Variants in TBC1D12 observed in about 807,000 individuals in gnomAD.
The protein encoded by TBC1D12 is TBC1 domain family, member 12.
A neutral mutation model predicts 86.7 loss-of-function variants in TBC1D12; 56 were observed. The observed-to-expected ratio is 0.65, with a 90% CI of 0.52 to 0.81. The LOEUF (loss-of-function observed/expected upper bound fraction) is 0.81, where lower values mean the gene tolerates loss of function less well. TBC1D12 is among the 30% of genes least tolerant of loss of function. TBC1D12 has a pLI of 0.00. For synonymous variants in TBC1D12, 421 were observed against 411.7 expected, an observed-to-expected ratio of 1.02 and a Z score of -0.27; for missense variants, 1,023 against 1,038.8, an observed-to-expected ratio of 0.98 and a Z score of 0.21.
At chr10:94,433,682 T>A (rs939704826) in intron 1 of TBC1D12, among the ~76,000 whole-genome samples, 1 of 152,220 alleles carries the variant, frequency 6.6e-6, no homozygotes, top group Non-Finnish European at 1.5e-5. Context: ...ATTACTTTCC[T>A]TTGGTATAAC....
At chr10:94,497,223 GTTTCT>G in intron 5 of TBC1D12, 51 bp downstream of exon 5, 2 of 1,021,498 alleles carry the variant, frequency 2.0e-6, no homozygotes, top group Non-Finnish European at 2.8e-6. Context: ...AAGATCTCAT[GTTTCT>G]TTTTTTTTTT....
chr10:94,416,704 G>C (rs985329652), intron 1 of TBC1D12, among the ~76,000 whole-genome samples: 4 of 152,094 alleles, frequency 2.6e-5, no homozygotes, highest in African/African-American at 9.7e-5. Context: ...CCTGATAAGT[G>C]TTATAAAAGA....
chr10:94,492,985 C>A (rs955588994), intron 3 of TBC1D12, among the ~76,000 whole-genome samples: 2 of 152,118 alleles, frequency 1.3e-5, no homozygotes, highest in African/African-American at 4.8e-5. Context: ...GGACTGGGCT[C>A]AGTGGCTCAC....
chr10:94,431,410 TAAAAA>T (rs766071204), intron 1 of TBC1D12, among the ~76,000 whole-genome samples: 5 of 114,402 alleles, frequency 4.4e-5, no homozygotes, highest in African/African-American at 1.5e-4. Flanking sequence ...GCAAGACTCT[TAAAAA>T]AAAAAAAAAA....
chr10:94,522,352 A>C lies in TBC1D12; in HGVS notation c.1899A>C (p.Lys633Asn). ...GATTTTTTAATCTTTAGATGTTGAA[A>C]TATTTTGCAACATTTGAAGTATTCT... is the stretch of plus-strand genomic sequence containing the variant. ...FFRVDHSMMLKYFATFEVFFE... is the reference protein window; with the variant it reads ...FFRVDHSMMLNYFATFEVFFE... The change falls in exon 11 of 13, where the codon AAA becomes AAC. Residue 633 changes from lysine to asparagine, a missense_variant. Physicochemically the swap from Lys to Asn is moderately conservative, Grantham distance 94 (BLOSUM62 0). Coordinates refer to ENST00000225235, the MANE Select transcript of TBC1D12 (RefSeq NM_015188.2). 1 of 1,401,306 alleles carries C rather than the reference A, an allele frequency of 7.1e-7. No homozygotes were observed. Among genetic ancestry groups the C allele is most frequent in the Non-Finnish European group, 9.7e-7 (1 of 1,029,382 alleles). The allele number at this position is 1,401,306 out of a possible 1,614,324, so 86.8% of individuals were successfully genotyped here.
chr10:94,514,868 A>G (rs140101170), intron 9 of TBC1D12, among the ~76,000 whole-genome samples: 283 of 150,606 alleles, frequency 1.9e-3, no homozygotes, highest in South Asian at 4.8e-3. Context: ...TAGCTGTACT[A>G]ATTTACATTC....
intron 2 of TBC1D12, among the ~76,000 whole-genome samples, chr10:94,457,842 T>C (rs936162847): frequency 6.6e-6 from 1 of 152,152 alleles, no homozygotes; most frequent in African/African-American, 2.4e-5. Context: ...TTGCAGTATG[T>C]ATTTATAGCT....
At chr10:94,526,233 C>A (rs1842286194) in intron 11 of TBC1D12, among the ~76,000 whole-genome samples, 1 of 151,934 alleles carries the variant, frequency 6.6e-6, no homozygotes, top group Admixed American at 6.6e-5. Context: ...GAGTTTGAGA[C>A]CAGCCTAGGC....
chr10:94,514,874 C>T (rs1002749868), intron 9 of TBC1D12, among the ~76,000 whole-genome samples: 1 of 150,086 alleles, frequency 6.7e-6, no homozygotes, highest in African/African-American at 2.4e-5. Flanking sequence ...TACTAATTTA[C>T]ATTCCTATAA....
intron 1 of TBC1D12, among the ~76,000 whole-genome samples, chr10:94,424,200 A>G (rs1053119469): frequency 6.6e-6 from 1 of 152,216 alleles, no homozygotes; most frequent in Non-Finnish European, 1.5e-5. Context: ...ATACCAAAGG[A>G]CAACTGTATA....
chr10:94,404,648 CAAA>C (rs11365857), intron 1 of TBC1D12, among the ~76,000 whole-genome samples: 6 of 125,746 alleles, frequency 4.8e-5, no homozygotes, highest in Non-Finnish European at 3.4e-5. Flanking sequence ...CTCCGTCTTT[CAAA>C]AAAAAAAAAA....
intron 2 of TBC1D12, among the ~76,000 whole-genome samples, chr10:94,453,582 C>T (rs1189350092): frequency 1.3e-5 from 2 of 152,192 alleles, no homozygotes; most frequent in Middle Eastern, 3.4e-3. Context: ...ATCAGGCATC[C>T]ACTGGGGATC....
chr10:94,454,747 T>G lies in TBC1D12; in HGVS notation c.1095+12728T>G, dbSNP rs187081931. ...TACATTAGCCTTCTGTCTTGTAAAC[T>G]TGCTGTTATTGCTTATTAGTTCCAG... is the stretch of plus-strand genomic sequence containing the variant. On this transcript the variant is annotated intron_variant, in intron 2 of 12. Transcript: ENST00000225235. Among the ~76,000 whole-genome samples, 285 of 152,380 alleles carry G rather than the reference T, an allele frequency of 1.9e-3. 2 individuals carry two copies. The highest frequency in any genetic ancestry group is 2.8e-3 in the Non-Finnish European group (193 of 68,030).
Position 94,533,738 on chromosome 10 carries a change from C to T in TBC1D12, c.*642C>T, listed in dbSNP as rs954890926. 6.6e-6 allele frequency: 1 copy of T among 152,074 alleles called. No homozygotes were observed. Among genetic ancestry groups the T allele is most frequent in the African/African-American group, 2.4e-5 (1 of 41,420 alleles). 9.4% of individuals were successfully genotyped at this position (152,074 alleles called of 1,614,324 possible). A position where few individuals can be genotyped will look rare whatever the true frequency, so the allele number is the denominator to read the frequency against. ...TTTTTTAAGGGAAATTTTTTGTCTTCCTTAAGGAATTCCTATCACTCAGAG... is the reference window on the plus strand; with the variant it reads ...TTTTTTAAGGGAAATTTTTTGTCTTTCTTAAGGAATTCCTATCACTCAGAG... On this transcript the variant is annotated 3_prime_UTR_variant, in exon 13 of 13. Transcript: ENST00000225235.
intron 1 of TBC1D12, among the ~76,000 whole-genome samples, chr10:94,435,963 T>C (rs1051300952): frequency 1.3e-5 from 2 of 152,200 alleles, no homozygotes; most frequent in Non-Finnish European, 2.9e-5. Context: ...TGTGTTTCCA[T>C]TTATGCTTGG....
At chr10:94,518,388 AT>A (rs1842057969) in intron 9 of TBC1D12, among the ~76,000 whole-genome samples, 1 of 151,666 alleles carries the variant, frequency 6.6e-6, no homozygotes, top group Admixed American at 6.6e-5. Flanking sequence ...TAATTTTTGT[AT>A]TTTTAGTAGA....
chr10:94,499,352 C>T (rs954511171), intron 5 of TBC1D12, among the ~76,000 whole-genome samples: 1 of 152,164 alleles, frequency 6.6e-6, no homozygotes, highest in Non-Finnish European at 1.5e-5. Flanking sequence ...AACCACCATT[C>T]TACCCCCTAC....
At chr10:94,453,815 T>C (rs758997430) in intron 2 of TBC1D12, among the ~76,000 whole-genome samples, 4 of 152,138 alleles carry the variant, frequency 2.6e-5, no homozygotes, top group Non-Finnish European at 5.9e-5. Flanking sequence ...TGTATGTAGA[T>C]TGATTTTTTT....
intron 1 of TBC1D12, among the ~76,000 whole-genome samples, chr10:94,421,257 A>G (rs2055069684): frequency 6.6e-6 from 1 of 152,120 alleles, no homozygotes. Context: ...TTTAGATTCC[A>G]AATATAAGTG....
Sources: allele counts gnomAD v4.1 joint callset (sites outside exome capture counted in the v4.1 genomes callset), GRCh38; gene constraint gnomAD v4.1.1; transcripts MANE v1.5; gene names NCBI Gene and HGNC (gene_info 2026-07-23, HGNC 2026-07-21).